UBE2K: variants seen among roughly 807,000 people sequenced by gnomAD.
UBE2K encodes the protein ubiquitin-conjugating enzyme E2 K.
Under a neutral mutation model 30.0 loss-of-function variants are expected in UBE2K, and 6 were observed. The ratio of observed to expected loss-of-function variants is 0.20; its 90% confidence interval spans 0.11 to 0.39. UBE2K has a LOEUF of 0.39. UBE2K is among the 10% of genes least tolerant of loss of function. The probability of loss-of-function intolerance (pLI) is 1.00; values close to 1 mark genes in which losing one functional copy is unlikely to be tolerated. For missense variants in UBE2K, 61 were observed against 241.6 expected, an observed-to-expected ratio of 0.25 and a Z score of 4.96; for synonymous variants, 86 against 83.7, an observed-to-expected ratio of 1.03 and a Z score of -0.15.
At chr4:39,733,420 C>T (rs777936690) in intron 1 of UBE2K, among the ~76,000 whole-genome samples, 9 of 151,308 alleles carry the variant, frequency 5.9e-5, no homozygotes, top group Non-Finnish European at 1.3e-4. Context: ...GCAACCTCCA[C>T]CTCCCAAGTT....
At chr4:39,768,276 CAA>C (rs35596173) in intron 4 of UBE2K, among the ~76,000 whole-genome samples, 4 of 113,578 alleles carry the variant, frequency 3.5e-5, no homozygotes, top group Non-Finnish European at 1.7e-5. Context: ...CCGTCTCTAC[CAA>C]AAAAAAAAAA....
At chr4:39,773,352 C>T (rs554036375) in intron 4 of UBE2K, among the ~76,000 whole-genome samples, 1 of 152,074 alleles carries the variant, frequency 6.6e-6, no homozygotes, top group Admixed American at 6.5e-5. Flanking sequence ...CCTGTAGTCC[C>T]AGCTACTTGT....
intron 2 of UBE2K, among the ~76,000 whole-genome samples, chr4:39,739,809 A>C (rs1012739437): frequency 6.6e-6 from 1 of 152,200 alleles, no homozygotes; most frequent in African/African-American, 2.4e-5. Context: ...GGCTGGTCTC[A>C]AACCCCTGGC....
intron 3 of UBE2K, among the ~76,000 whole-genome samples, chr4:39,751,564 A>G (rs1237876289): frequency 6.6e-6 from 1 of 152,216 alleles, no homozygotes; most frequent in Admixed American, 6.5e-5. Context: ...CTGTAGTCCC[A>G]ACTACTCAGG....
chr4:39,750,349 G>A (rs1422389304), intron 3 of UBE2K, among the ~76,000 whole-genome samples: 1 of 152,190 alleles, frequency 6.6e-6, no homozygotes. Flanking sequence ...AGTGCATCCT[G>A]TAGGAAGAGA....
intron 4 of UBE2K, chr4:39,770,582 G>T (rs1322677126): frequency 1.9e-6 from 3 of 1,581,986 alleles, no homozygotes; most frequent in Non-Finnish European, 1.7e-6. Context: ...TGGCCCCCAC[G>T]CTGGCCCGGC....
intron 1 of UBE2K, among the ~76,000 whole-genome samples, chr4:39,718,798 G>T (rs1260773327): frequency 6.6e-6 from 1 of 152,276 alleles, no homozygotes; most frequent in Non-Finnish European, 1.5e-5. Context: ...CGCTCAGAGT[G>T]CTGAGCCCGC....
intron 1 of UBE2K, among the ~76,000 whole-genome samples, chr4:39,699,532 G>T (rs150542391): frequency 6.6e-6 from 1 of 152,152 alleles, no homozygotes; most frequent in East Asian, 1.9e-4. Context: ...GCAAGTATTA[G>T]TACAGTTTCT....
chr4:39,738,685 T>C (rs928499267), intron 2 of UBE2K, among the ~76,000 whole-genome samples: 2 of 152,058 alleles, frequency 1.3e-5, no homozygotes, highest in Non-Finnish European at 2.9e-5. Context: ...CATTTTTTGA[T>C]TGTTTGTTTT....
In UBE2K at chr4:39,757,025, G is replaced by GT. The variant is rs1462859142; in HGVS notation, c.299+1292dup. On this transcript the variant is annotated intron_variant, in intron 4 of 6. Coordinates refer to ENST00000261427, the MANE Select transcript of UBE2K (RefSeq NM_005339.5). ...GTTTTTTTTTTGTTTTTTGTTTTTT[G>GT]TTTTTTGTTTTTTTTTTGAGACAGA... is the stretch of plus-strand genomic sequence containing the variant. Among the ~76,000 whole-genome samples, 293 of 70,928 alleles carry GT rather than the reference G, an allele frequency of 4.1e-3. 27 individuals carry two copies. The highest frequency in any genetic ancestry group is 0.013 in the African/African-American group (247 of 18,960). The allele number at this position is 70,928 out of a possible 152,430, so 46.5% of individuals were successfully genotyped here.
chr4:39,711,098 T>TA (rs1307651596), intron 1 of UBE2K, among the ~76,000 whole-genome samples: 1 of 151,658 alleles, frequency 6.6e-6, no homozygotes, highest in Non-Finnish European at 1.5e-5. Flanking sequence ...CTTTTTTTTT[T>TA]AAAGTTTTTT....
chr4:39,774,711 ATAAT>A (rs766405276), intron 4 of UBE2K, 119 bp from the exon 5 acceptor site: 8 of 441,834 alleles, frequency 1.8e-5, no homozygotes, highest in South Asian at 1.4e-4. Context: ...ACTTAACTAT[ATAAT>A]TAAGATAAAG....
intron 1 of UBE2K, among the ~76,000 whole-genome samples, chr4:39,705,961 A>T (rs1050027751): frequency 7.2e-6 from 1 of 139,304 alleles, no homozygotes; most frequent in African/African-American, 2.7e-5. Context: ...CCAATACCTC[A>T]GCCTCTGGAA....
At chr4:39,717,247 T>A (rs1467001682) in intron 1 of UBE2K, among the ~76,000 whole-genome samples, 2 of 151,712 alleles carry the variant, frequency 1.3e-5, no homozygotes, top group Non-Finnish European at 2.9e-5. Context: ...TCTTTTTTTT[T>A]TTTTAAGATG....
Position 39,782,088 on chromosome 4 carries a change from T to C in UBE2K, c.*3654T>C. 1 of 396,850 alleles carries C rather than the reference T, an allele frequency of 2.5e-6. No individual in the cohort carries two copies. The allele number at this position is 396,850 out of a possible 1,614,324, so 24.6% of individuals were successfully genotyped here. A position where few individuals can be genotyped will look rare whatever the true frequency, so the allele number is the denominator to read the frequency against. ...ATCTCCCTTGTCCCATTTGTTCTGT[T>C]ACTGCTTCATTGGACTGATACACCC... On this transcript the variant is annotated 3_prime_UTR_variant, in exon 7 of 7. Transcript: ENST00000261427.
chr4:39,737,207 G>C (rs553950486), intron 1 of UBE2K, among the ~76,000 whole-genome samples: 8 of 152,072 alleles, frequency 5.3e-5, no homozygotes, highest in Non-Finnish European at 1.2e-4. Flanking sequence ...TCATAGTGGT[G>C]TTATTTCGTT....
At chr4:39,747,683 C>T (rs1246214246) in intron 3 of UBE2K, among the ~76,000 whole-genome samples, 6 of 152,164 alleles carry the variant, frequency 3.9e-5, no homozygotes, top group African/African-American at 1.4e-4. Context: ...GTGGCACAAT[C>T]TCAGCTCACT....
chr4:39,745,009 A>G (rs1191081967), intron 2 of UBE2K, among the ~76,000 whole-genome samples: 1 of 151,820 alleles, frequency 6.6e-6, no homozygotes, highest in East Asian at 1.9e-4. Context: ...TGCTTAAAAA[A>G]TAAAAAATAT....
At chr4:39,774,248 G>A (rs1354279627) in intron 4 of UBE2K, among the ~76,000 whole-genome samples, 1 of 152,044 alleles carries the variant, frequency 6.6e-6, no homozygotes, top group East Asian at 1.9e-4. Context: ...AGGTTGCAGT[G>A]AGACAAGATA....
Sources: allele counts gnomAD v4.1 joint callset (sites outside exome capture counted in the v4.1 genomes callset), GRCh38; gene constraint gnomAD v4.1.1; transcripts MANE v1.5; gene names NCBI Gene and HGNC (gene_info 2026-07-23, HGNC 2026-07-21).